Variants in LCN8 observed in about 807,000 individuals in gnomAD.
The protein encoded by LCN8 is lipocalin 8.
LCN8 carries 16 observed loss-of-function variants against 22.8 expected under a neutral mutation model. The ratio of observed to expected loss-of-function variants is 0.70; its 90% CI spans 0.47 to 1.06. The LOEUF (loss-of-function observed/expected upper bound fraction) is 1.06. LCN8 is among the 50% of genes least tolerant of loss of function. The probability of loss-of-function intolerance (pLI) is 0.00; values close to 1 mark genes in which losing one functional copy is unlikely to be tolerated. For missense variants in LCN8, 189 were observed against 203.3 expected, an observed-to-expected ratio of 0.93 and a Z score of 0.43; for synonymous variants, 92 against 83.4, an observed-to-expected ratio of 1.10 and a Z score of -0.56.
At position 136,755,227 on chromosome 9, in the gene LCN8, AAG is replaced by A. The variant is rs748199662; in HGVS notation, c.421+15_421+16del. The stretch of plus-strand genomic sequence containing the variant: ...CAGGGCCCAGCCCAGCCTCCACCCC[AAG>A]GCCCCTGGGCTCACCAGGCCGGGCC... On this transcript the variant is annotated intron_variant, in intron 5 of 6. Coordinates refer to ENST00000371688, the MANE Select transcript of LCN8 (RefSeq NM_178469.4). The A allele has an allele frequency of 5.8e-5, 93 of 1,612,066 alleles. No individual in the cohort carries two copies. In the South Asian group the frequency reaches 1.0e-3, roughly 18 times the overall value.
At position 136,756,569 on chromosome 9, in the gene LCN8, T is replaced by C; in HGVS notation, c.179A>G (p.Lys60Arg). The change falls in exon 3 of 7, where the codon AAG becomes AGG. Residue 60 changes from lysine to arginine, a missense_variant. Physicochemically the swap from Lys to Arg is conservative, Grantham distance 26. Coordinates refer to ENST00000371688, the MANE Select transcript of LCN8 (RefSeq NM_178469.4). ...YNSSGSCEIE[K>R]IVGSEIDSTG... The stretch of plus-strand genomic sequence containing the variant: ...ACTGTCTATTTCTGAGCCCACGATC[T>C]TCTCTATCTCACAGCTTCCTGAGCT... 1 of 1,613,932 alleles carries C rather than the reference T, an allele frequency of 6.2e-7. No homozygotes were observed. The highest frequency in any genetic ancestry group is 8.5e-7 in the Non-Finnish European group (1 of 1,179,942).
rs925889879 is a variant in LCN8, at chr9:136,757,378, T to G, written c.25-210A>C. ...GTGCCTTCAGGCCATCAGACAGCAA[T>G]GCCCACAGGGCAGCCCCTCCCCACT... On this transcript the variant is annotated intron_variant, in intron 1 of 6. Coordinates refer to ENST00000371688, the MANE Select transcript of LCN8 (RefSeq NM_178469.4). 9 of 1,428,374 alleles carry G rather than the reference T, an allele frequency of 6.3e-6. No individual in the cohort carries two copies. In the African/African-American group the frequency reaches 1.0e-4, roughly 16 times the overall value. The allele number at this position is 1,428,374 out of a possible 1,614,324, so 88.5% of individuals were successfully genotyped here. A position where few individuals can be genotyped will look rare whatever the true frequency, so the allele number is the denominator to read the frequency against.
chr9:136,756,901 A>C (rs1847220507), intron 2 of LCN8, 137 bp downstream of exon 2: 1 of 1,032,760 alleles, frequency 9.7e-7, no homozygotes, highest in South Asian at 1.6e-5. Context: ...GGGCTCAGGC[A>C]GACGGGCACC....
intron 1 of LCN8, chr9:136,757,448 T>G (rs1344336366): frequency 5.9e-6 from 8 of 1,366,088 alleles, no homozygotes; most frequent in Non-Finnish European, 7.6e-6. Flanking sequence ...TTCTGCGACA[T>G]GTCGGGAGGA....
intron 5 of LCN8, 25 bp from the exon 6 acceptor site, chr9:136,755,185 G>C (rs1039304751): frequency 6.2e-7 from 1 of 1,605,852 alleles, no homozygotes; most frequent in Non-Finnish European, 8.5e-7. Flanking sequence ...AGCATGAGGA[G>C]CTGCAGAGTC....
At chr9:136,756,443 G>A (rs748611783) in intron 3 of LCN8, 79 bp downstream of exon 3, 2 of 1,613,066 alleles carry the variant, frequency 1.2e-6, no homozygotes, top group Non-Finnish European at 1.7e-6. Flanking sequence ...AACAGTGCAG[G>A]GAACAGCATG....
At chr9:136,757,238 C>T in intron 1 of LCN8, 70 bp from the exon 2 acceptor site, 1 of 1,561,066 alleles carries the variant, frequency 6.4e-7, no homozygotes, top group Non-Finnish European at 8.7e-7. Context: ...TTCCACGAAC[C>T]CCCGGGCAGG....
chr9:136,754,961 A>T, intron 6 of LCN8, 174 bp downstream of exon 6: 1 of 1,400,766 alleles, frequency 7.1e-7, no homozygotes, highest in Non-Finnish European at 9.2e-7. Context: ...ACCAGGAGAC[A>T]GACTCATCTC....
chr9:136,756,119 G>A, intron 3 of LCN8: 2 of 1,054,718 alleles, frequency 1.9e-6, no homozygotes, highest in Admixed American at 5.5e-5. Context: ...GAACAGCATG[G>A]GGAACAGCGC....
intron 2 of LCN8, 142 bp from the exon 3 acceptor site, chr9:136,756,734 G>A: frequency 7.5e-7 from 1 of 1,326,718 alleles, no homozygotes; most frequent in Non-Finnish European, 1.0e-6. Context: ...GATGAGGCGG[G>A]GAATGTGCCA....
At chr9:136,755,218 C>G in intron 5 of LCN8, 26 bp downstream of exon 5, 1 of 1,611,334 alleles carries the variant, frequency 6.2e-7, no homozygotes, top group Non-Finnish European at 8.5e-7. Context: ...CCAGCCCAGC[C>G]TCCACCCCAA....
At chr9:136,757,351 C>G in intron 1 of LCN8, 183 bp from the exon 2 acceptor site, 2 of 1,439,156 alleles carry the variant, frequency 1.4e-6, no homozygotes, top group East Asian at 2.5e-5. Flanking sequence ...TCCCTCCAAG[C>G]GGTGCCTTCA....
chr9:136,757,076 C>A lies in LCN8; in HGVS notation c.117G>T (p.Leu39Phe), dbSNP rs1259875841. 1 of 1,613,494 alleles carries A rather than the reference C, an allele frequency of 6.2e-7. No homozygotes were observed. The highest frequency in any genetic ancestry group is 8.5e-7 in the Non-Finnish European group (1 of 1,179,810). ...CCTTCACGGTCAGGTTACTCCCGCT[C>A]AAGGTGAGGAACAAGCCCTCCACCC... ...PKRVEGLFLT[L>F]SGSNLTVKVA... Residue 39 changes from leucine to phenylalanine, a missense_variant, in exon 2 of 7, where the codon TTG becomes TTT. Leu to Phe is a conservative substitution (Grantham distance 22, BLOSUM62 0). Coordinates refer to ENST00000371688, the MANE Select transcript of LCN8 (RefSeq NM_178469.4).
intron 3 of LCN8, chr9:136,756,116 A>T: frequency 9.6e-7 from 1 of 1,037,656 alleles, no homozygotes; most frequent in African/African-American, 1.9e-5. Context: ...AGGGAACAGC[A>T]TGGGGAACAG....
chr9:136,755,494 C>T lies in LCN8; in HGVS notation c.249G>A (p.Leu83=). The T allele has an allele frequency of 2.5e-6, 4 of 1,612,780 alleles. No individual in the cohort carries two copies. In the East Asian group the frequency reaches 6.7e-5, roughly 27 times the overall value. The change falls in exon 4 of 7, where the codon CTG becomes CTA. Residue 83 remains leucine, a synonymous_variant. Transcript: ENST00000371688. ...TGGCGTAGCCCTCGTAGTCGGTGTC[C>T]AGCACGTGGATCTCTCTGTGGCCTT... ...AFPGHREIHV[L]DTDYEGYAIL...
Position 136,757,947 on chromosome 9 carries a change from G to T in LCN8, c.-17C>A, listed in dbSNP as rs367544525. The T allele has an allele frequency of 1.8e-5, 29 of 1,612,912 alleles. No individual in the cohort carries two copies. Among genetic ancestry groups the T allele is most frequent in the Non-Finnish European group, 2.4e-5 (28 of 1,179,914 alleles). On this transcript the variant is annotated 5_prime_UTR_variant, in exon 1 of 7. Coordinates refer to ENST00000371688, the MANE Select transcript of LCN8 (RefSeq NM_178469.4). Reference sequence around the variant, plus strand: ...CTCCTCCATGGCTGCTGCCACCTGCGCCCGGAGCACCACGAGGACACCCAG... The same window carrying T: ...CTCCTCCATGGCTGCTGCCACCTGCTCCCGGAGCACCACGAGGACACCCAG...
At chr9:136,757,571 C>T (rs1299795987) in intron 1 of LCN8, 19 of 1,386,590 alleles carry the variant, frequency 1.4e-5, no homozygotes, top group Non-Finnish European at 1.8e-5. Context: ...GCTCGGGTAG[C>T]GCAGCTCGCC....
chr9:136,757,606 G>A, intron 1 of LCN8: 1 of 1,402,632 alleles, frequency 7.1e-7, no homozygotes, highest in Non-Finnish European at 9.3e-7. Context: ...GCCAGAGGAT[G>A]GGCCTCCTGC....
At chr9:136,757,591 A>C in intron 1 of LCN8, 3 of 1,396,378 alleles carry the variant, frequency 2.1e-6, no homozygotes, top group Non-Finnish European at 2.8e-6. Flanking sequence ...CAGCCTGCCA[A>C]CCACGCCAGA....
Sources: allele counts gnomAD v4.1 joint callset, GRCh38; gene constraint gnomAD v4.1.1; transcripts MANE v1.5; gene names NCBI Gene and HGNC (gene_info 2026-07-23, HGNC 2026-07-21).